The following CAMK4 variants were observed in gnomAD, a reference collection of about 807,000 sequenced individuals.
The protein encoded by CAMK4 is calcium/calmodulin dependent protein kinase IV, also known as calcium/calmodulin-dependent protein kinase type IV.
A neutral mutation model predicts 44.9 loss-of-function variants in CAMK4; 22 were observed. The ratio of observed to expected loss-of-function variants is 0.49; its 90% CI spans 0.35 to 0.70. The LOEUF (loss-of-function observed/expected upper bound fraction) is 0.70, where lower values mean the gene tolerates loss of function less well. Ranked by LOEUF, CAMK4 falls within the 30% of genes least tolerant of loss-of-function variation. The pLI is 0.01. For missense variants in CAMK4, 498 were observed against 586.8 expected (o/e 0.85, Z 1.56); for synonymous variants, 218 against 215.4 (o/e 1.01, Z -0.11).
At chr5:111,398,723 T>C (rs1365970397) in intron 5 of CAMK4, among the ~76,000 whole-genome samples, 1 of 152,204 alleles carries the variant, frequency 6.6e-6, no homozygotes, top group East Asian at 1.9e-4. Context: ...TTCCTGATTC[T>C]CTCATTCACT....
intron 1 of CAMK4, among the ~76,000 whole-genome samples, chr5:111,276,191 C>T (rs1302036893): frequency 6.6e-6 from 1 of 152,126 alleles, no homozygotes; most frequent in Admixed American, 6.6e-5. Flanking sequence ...TTGTGAACTA[C>T]TATTATTACT....
intron 1 of CAMK4, among the ~76,000 whole-genome samples, chr5:111,325,897 G>T (rs913181405): frequency 2.6e-5 from 4 of 151,966 alleles, no homozygotes; most frequent in African/African-American, 2.4e-5. Context: ...AGGAGATCTG[G>T]TAAATATTTT....
chr5:111,235,844 G>A (rs550188265), intron 1 of CAMK4, among the ~76,000 whole-genome samples: 3 of 152,304 alleles, frequency 2.0e-5, no homozygotes, highest in Non-Finnish European at 4.4e-5. Flanking sequence ...TGATCCTCGG[G>A]GAGCCACCTC....
rs1755856350 is a variant in CAMK4, at chr5:111,491,997, C to T, written c.*7531C>T. 6.6e-6 allele frequency: 1 copy of T among 152,054 alleles called. No homozygotes were observed. The highest frequency in any genetic ancestry group is 2.1e-4 in the South Asian group (1 of 4,818). The allele number at this position is 152,054 out of a possible 1,614,324, so 9.4% of individuals were successfully genotyped here. On this transcript the variant is annotated 3_prime_UTR_variant, in exon 11 of 11. Transcript: ENST00000282356. ...AATCCCCACGCTTTCCTGAGTGTTA[C>T]GTATTTTATTTCTTTGAAAAGAGAG... is the stretch of plus-strand genomic sequence containing the variant.
At chr5:111,237,754 G>A (rs1275309484) in intron 1 of CAMK4, among the ~76,000 whole-genome samples, 1 of 152,198 alleles carries the variant, frequency 6.6e-6, no homozygotes, top group Non-Finnish European at 1.5e-5. Flanking sequence ...CCTGTCACAT[G>A]GTTGGGTAAC....
At chr5:111,329,959 T>A (rs1205855780) in intron 1 of CAMK4, among the ~76,000 whole-genome samples, 2 of 151,684 alleles carry the variant, frequency 1.3e-5, no homozygotes, top group African/African-American at 2.4e-5. Context: ...CTCCCACTAC[T>A]TCAATAGAAT....
chr5:111,378,893 T>C (rs1455861800), intron 4 of CAMK4, among the ~76,000 whole-genome samples: 1 of 129,278 alleles, frequency 7.7e-6, no homozygotes, highest in Admixed American at 7.7e-5. Flanking sequence ...AAGATACTCT[T>C]GTTCACATGT....
intron 5 of CAMK4, 130 bp from the exon 6 acceptor site, chr5:111,446,556 G>T: frequency 3.5e-6 from 2 of 570,666 alleles, no homozygotes; most frequent in Admixed American, 3.5e-5. Context: ...TTCCTTTATG[G>T]TACTTATTGT....
intron 1 of CAMK4, among the ~76,000 whole-genome samples, chr5:111,263,638 A>G (rs896593519): frequency 4.6e-5 from 7 of 152,204 alleles, no homozygotes; most frequent in African/African-American, 1.7e-4. Context: ...CATTTTTAAT[A>G]TAAACTTTAA....
chr5:111,320,421 CAG>C (rs1410390897), intron 1 of CAMK4, among the ~76,000 whole-genome samples: 7 of 152,066 alleles, frequency 4.6e-5, no homozygotes, highest in Non-Finnish European at 7.4e-5. Context: ...ATGATAGAAA[CAG>C]AAATTAATTT....
chr5:111,288,293 C>G (rs1268481856), intron 1 of CAMK4, among the ~76,000 whole-genome samples: 1 of 152,142 alleles, frequency 6.6e-6, no homozygotes, highest in Non-Finnish European at 1.5e-5. Context: ...TGTAACCTAG[C>G]ACACATGTGC....
intron 4 of CAMK4, among the ~76,000 whole-genome samples, chr5:111,385,169 A>G (rs781205280): frequency 7.9e-5 from 12 of 152,340 alleles, no homozygotes; most frequent in Admixed American, 2.6e-4. Context: ...ATCAGGACAT[A>G]AAAGAGAGAT....
At chr5:111,339,596 T>C (rs1049355443) in intron 1 of CAMK4, among the ~76,000 whole-genome samples, 1 of 151,502 alleles carries the variant, frequency 6.6e-6, no homozygotes, top group African/African-American at 2.4e-5. Context: ...TGTTTATTTT[T>C]ATGCCAGTAT....
At position 111,290,913 on chromosome 5, in the gene CAMK4, T is replaced by C. The variant is rs1747228419; in HGVS notation, c.162-53111T>C. 6.6e-6 allele frequency among the ~76,000 whole-genome samples: 1 copy of C among 152,234 alleles called. No individual in the cohort carries two copies. The highest frequency in any genetic ancestry group is 6.5e-5 in the Admixed American group (1 of 15,276). Reference sequence around the variant, plus strand: ...GATTCCATCAAGAAACTTGGGCTTATATAGTCCAAATCCCATTTAAATTAA... The same window carrying C: ...GATTCCATCAAGAAACTTGGGCTTACATAGTCCAAATCCCATTTAAATTAA... On this transcript the variant is annotated intron_variant, in intron 1 of 10. Transcript: ENST00000282356. This position sits in a 1 kb window ranked among gnomAD's most constrained non-coding sequence, Gnocchi z 4.5.
intron 7 of CAMK4, among the ~76,000 whole-genome samples, chr5:111,465,892 A>G (rs148707798): frequency 1.3e-5 from 2 of 152,322 alleles, no homozygotes; most frequent in Non-Finnish European, 2.9e-5. Flanking sequence ...GAAAGGACAT[A>G]ACCAAAAAGA....
chr5:111,267,331 A>G (rs2112573988), intron 1 of CAMK4, among the ~76,000 whole-genome samples: 2 of 152,318 alleles, frequency 1.3e-5, no homozygotes, highest in East Asian at 1.9e-4. Flanking sequence ...TATATATTAT[A>G]TTAACAATAA....
chr5:111,269,102 G>A (rs538680154), intron 1 of CAMK4, among the ~76,000 whole-genome samples: 83 of 152,318 alleles, frequency 5.4e-4, no homozygotes, highest in African/African-American at 1.8e-3. Context: ...TAACTTGGAA[G>A]AAATGCTTTT....
chr5:111,261,266 T>C (rs1024907348), intron 1 of CAMK4, among the ~76,000 whole-genome samples: 4 of 152,208 alleles, frequency 2.6e-5, no homozygotes, highest in Middle Eastern at 3.2e-3. Flanking sequence ...CATTAGGATG[T>C]TGAGAGCCTC....
intron 1 of CAMK4, among the ~76,000 whole-genome samples, chr5:111,248,234 CT>C (rs1229395374): frequency 6.6e-6 from 1 of 152,112 alleles, no homozygotes; most frequent in African/African-American, 2.4e-5. Flanking sequence ...TAAATGTTGA[CT>C]GAGAGATATT....
Sources: allele counts gnomAD v4.1 joint callset (sites outside exome capture counted in the v4.1 genomes callset), GRCh38; gene constraint gnomAD v4.1.1; non-coding constraint Gnocchi (gnomAD v3.1); transcripts MANE v1.5; gene names NCBI Gene and HGNC (gene_info 2026-07-23, HGNC 2026-07-21).